The following ORC4 variants were observed in gnomAD, a reference collection of about 807,000 sequenced individuals.
The protein encoded by ORC4 is origin recognition complex, subunit 4 homolog.
Under a neutral mutation model 63.9 loss-of-function variants are expected in ORC4, and 55 were observed. The observed-to-expected ratio is 0.86, with a 90% confidence interval of 0.69 to 1.08. The LOEUF (loss-of-function observed/expected upper bound fraction) is 1.08, where lower values mean the gene tolerates loss of function less well. ORC4 is among the 50% of genes least tolerant of loss of function. The pLI is 0.00. For missense variants in ORC4, 511 were observed against 504.4 expected, an observed-to-expected ratio of 1.01 and a Z score of -0.13; for synonymous variants, 150 against 168.5, an observed-to-expected ratio of 0.89 and a Z score of 0.85.
At chr2:147,986,104 CTTTATT>C (rs548400273) in intron 1 of ORC4, among the ~76,000 whole-genome samples, 76 of 152,214 alleles carry the variant, frequency 5.0e-4, no homozygotes, top group African/African-American at 1.7e-3. Context: ...CTGTACACAT[CTTTATT>C]TTTAAGATCA....
chr2:148,019,315 C>A (rs768104715), intron 1 of ORC4, among the ~76,000 whole-genome samples: 1 of 152,204 alleles, frequency 6.6e-6, no homozygotes. Context: ...ACCGGCCGGG[C>A]GCGGTGGCTC....
chr2:147,941,184 A>AT (rs1428743712), intron 10 of ORC4, among the ~76,000 whole-genome samples: 1 of 151,776 alleles, frequency 6.6e-6, no homozygotes, highest in Non-Finnish European at 1.5e-5. Flanking sequence ...TGGTTTATTC[A>AT]TTTTTTCATT....
In ORC4 at chr2:147,930,511, G is replaced by A. The variant is rs1687657039; in HGVS notation, c.*4999C>T. 6.6e-6 allele frequency: 1 copy of A among 152,318 alleles called. No individual in the cohort carries two copies. The highest frequency in any genetic ancestry group is 2.1e-4 in the South Asian group (1 of 4,822). 9.4% of individuals were successfully genotyped at this position (152,318 alleles called of 1,614,324 possible). ...GGCAAAATGATACAAGTAGCATCTT[G>A]ATTGAACATCATTTACCTCAGATAT... On this transcript the variant is annotated 3_prime_UTR_variant, in exon 14 of 14. Transcript: ENST00000392857.
chr2:147,953,070 T>C (rs1196909440), intron 7 of ORC4, among the ~76,000 whole-genome samples: 1 of 138,394 alleles, frequency 7.2e-6, no homozygotes, highest in Non-Finnish European at 1.6e-5. Flanking sequence ...TGACTCACGC[T>C]TGTAATCCCA....
chr2:147,991,743 G>A (rs1379679651), intron 1 of ORC4, among the ~76,000 whole-genome samples: 2 of 152,082 alleles, frequency 1.3e-5, no homozygotes, highest in African/African-American at 4.8e-5. Context: ...CAGGAGAATC[G>A]CTTGAACCGG....
chr2:147,986,634 G>A (rs1330525254), intron 1 of ORC4, among the ~76,000 whole-genome samples: 1 of 152,160 alleles, frequency 6.6e-6, no homozygotes, highest in East Asian at 1.9e-4. Context: ...AACAGGTATA[G>A]CCTTATCAAA....
Position 147,935,236 on chromosome 2 carries a change from TAA to T in ORC4, c.*272_*273del, listed in dbSNP as rs149189517. On this transcript the variant is annotated 3_prime_UTR_variant, in exon 14 of 14. Coordinates refer to ENST00000392857, the MANE Select transcript of ORC4 (RefSeq NM_181741.4). Reference sequence around the variant, plus strand: ...CTCTTCAAATAGACCATTATATATATAAGTGTTAAAAAAGCACATGGTCTAGT... The same window carrying T: ...CTCTTCAAATAGACCATTATATATATGTGTTAAAAAAGCACATGGTCTAGT... The T allele has an allele frequency of 6.7e-4, 296 of 439,956 alleles. 3 individuals carry two copies. Among genetic ancestry groups the T allele is most frequent in the African/African-American group, 5.4e-3 (271 of 50,258 alleles). 27.3% of individuals were successfully genotyped at this position (439,956 alleles called of 1,614,324 possible). A position where few individuals can be genotyped will look rare whatever the true frequency, so the allele number is the denominator to read the frequency against.
chr2:147,963,841 C>T lies in ORC4; in HGVS notation c.226-4975G>A, dbSNP rs374429439. Reference sequence around the variant, plus strand: ...AGGCCACTGAGACACTTGTAAATGACACTAGTGTGGATTACAGCTGAAAAA... The same window carrying T: ...AGGCCACTGAGACACTTGTAAATGATACTAGTGTGGATTACAGCTGAAAAA... On this transcript the variant is annotated intron_variant, in intron 4 of 13. Transcript: ENST00000392857. Among the ~76,000 whole-genome samples the T allele has an allele frequency of 1.8e-4, 28 of 152,232 alleles. No individual in the cohort carries two copies. The East Asian group carries it at 5.2e-3, about 28-fold the overall frequency.
At chr2:147,992,935 C>G (rs1378944760) in intron 1 of ORC4, among the ~76,000 whole-genome samples, 1 of 152,150 alleles carries the variant, frequency 6.6e-6, no homozygotes, top group African/African-American at 2.4e-5. Flanking sequence ...TGTGTAAAAA[C>G]TAACTATAAA....
intron 13 of ORC4, 121 bp downstream of exon 13, chr2:147,938,025 T>C: frequency 1.3e-6 from 1 of 741,040 alleles, no homozygotes. Context: ...ATTTTCTTGT[T>C]TTGAAAAAAA....
chr2:147,969,626 G>T (rs990246022), intron 4 of ORC4, among the ~76,000 whole-genome samples: 8 of 151,064 alleles, frequency 5.3e-5, no homozygotes, highest in Admixed American at 1.3e-4. Context: ...CTGAGAGAGG[G>T]GGAAAAAACA....
intron 1 of ORC4, among the ~76,000 whole-genome samples, chr2:147,997,532 A>G (rs1224573096): frequency 6.6e-6 from 1 of 152,146 alleles, no homozygotes. Context: ...GACTCTTGCA[A>G]TATAAAGCAA....
chr2:147,997,544 C>T (rs1265094527), intron 1 of ORC4, among the ~76,000 whole-genome samples: 1 of 152,128 alleles, frequency 6.6e-6, no homozygotes, highest in Admixed American at 6.5e-5. Flanking sequence ...ATAAAGCAAA[C>T]AAACATATTG....
intron 13 of ORC4, 101 bp from the exon 14 acceptor site, chr2:147,935,799 CAG>C (rs1223227348): frequency 2.6e-5 from 26 of 996,176 alleles, no homozygotes; most frequent in Admixed American, 7.2e-5. Flanking sequence ...AGCTGCAGAA[CAG>C]AGTACTGGGA....
chr2:147,982,450 T>C (rs1690941446), intron 1 of ORC4, among the ~76,000 whole-genome samples: 1 of 152,216 alleles, frequency 6.6e-6, no homozygotes, highest in Non-Finnish European at 1.5e-5. Flanking sequence ...TCTTACAGTA[T>C]TGTTAGAATT....
At chr2:147,939,318 T>G (rs1035831690) in intron 10 of ORC4, 70 bp from the exon 11 acceptor site, 9 of 905,002 alleles carry the variant, frequency 9.9e-6, no homozygotes, top group Non-Finnish European at 1.7e-5. Context: ...GTGCAAAACT[T>G]CTGAATTTGT....
At chr2:147,978,934 T>C (rs1690713888) in intron 1 of ORC4, among the ~76,000 whole-genome samples, 1 of 152,090 alleles carries the variant, frequency 6.6e-6, no homozygotes, top group Non-Finnish European at 1.5e-5. Flanking sequence ...AAACTGTCAA[T>C]ATATTAGGTA....
At chr2:147,968,934 A>C (rs1573810347) in intron 4 of ORC4, among the ~76,000 whole-genome samples, 1 of 152,088 alleles carries the variant, frequency 6.6e-6, no homozygotes, top group African/African-American at 2.4e-5. Context: ...CACACAATGG[A>C]ATACTGTTCA....
intron 9 of ORC4, among the ~76,000 whole-genome samples, chr2:147,946,783 G>A (rs1688680307): frequency 6.6e-6 from 1 of 151,848 alleles, no homozygotes. Flanking sequence ...AAATATGTAG[G>A]CTTTGAGTCC....
Sources: allele counts gnomAD v4.1 joint callset (sites outside exome capture counted in the v4.1 genomes callset), GRCh38; gene constraint gnomAD v4.1.1; transcripts MANE v1.5; gene names NCBI Gene and HGNC (gene_info 2026-07-23, HGNC 2026-07-21).